Variants in NRXN3 observed in about 807,000 individuals in gnomAD.
NRXN3 encodes the protein neurexin III.
In NRXN3, 32 loss-of-function variants were observed where a neutral mutation model predicts 137.6. The observed-to-expected ratio is 0.23, with a 90% CI of 0.18 to 0.31. NRXN3 has a LOEUF of 0.31. NRXN3 is among the 10% of genes least tolerant of loss of function. The probability of loss-of-function intolerance (pLI) is 1.00; values close to 1 mark genes in which losing one functional copy is unlikely to be tolerated. For missense variants in NRXN3, 1,574 were observed against 2,062.5 expected, an observed-to-expected ratio of 0.76 and a Z score of 4.59; for synonymous variants, 798 against 784.5, an observed-to-expected ratio of 1.02 and a Z score of -0.29.
intron 15 of NRXN3, among the ~76,000 whole-genome samples, chr14:79,084,333 C>G (rs2047658657): frequency 6.6e-6 from 1 of 152,002 alleles, no homozygotes; most frequent in Admixed American, 6.6e-5. Flanking sequence ...AAAAGGAACC[C>G]TTCAATTTCA....
intron 10 of NRXN3, among the ~76,000 whole-genome samples, chr14:78,913,228 CT>C (rs1555571823): frequency 1.5e-5 from 2 of 132,960 alleles, no homozygotes; most frequent in African/African-American, 2.8e-5. Flanking sequence ...AGATTTTTTT[CT>C]TTTTTCTTTT....
chr14:79,012,612 G>A (rs889107128), intron 15 of NRXN3, among the ~76,000 whole-genome samples: 3 of 152,096 alleles, frequency 2.0e-5, no homozygotes, highest in African/African-American at 2.4e-5. Context: ...TGCTCCCCAC[G>A]TAACCCTCTA....
chr14:78,511,393 G>A (rs925262235), intron 4 of NRXN3, among the ~76,000 whole-genome samples: 2 of 152,096 alleles, frequency 1.3e-5, no homozygotes, highest in African/African-American at 2.4e-5. Context: ...TAGATGATTA[G>A]CAGATGAACC....
chr14:78,748,427 C>T (rs757813280), intron 8 of NRXN3, among the ~76,000 whole-genome samples: 6 of 151,932 alleles, frequency 3.9e-5, no homozygotes, highest in South Asian at 4.2e-4. Flanking sequence ...CCAGCGGATG[C>T]GGTAGGAAAT....
intron 17 of NRXN3, among the ~76,000 whole-genome samples, chr14:79,672,389 C>G (rs1462837106): frequency 6.6e-6 from 1 of 151,962 alleles, no homozygotes; most frequent in Non-Finnish European, 1.5e-5. Context: ...TTCTTGATTT[C>G]CAACCATAAT....
intron 4 of NRXN3, among the ~76,000 whole-genome samples, chr14:78,593,870 C>A (rs898939992): frequency 6.6e-6 from 1 of 152,104 alleles, no homozygotes; most frequent in African/African-American, 2.4e-5. Context: ...CCTCTTGCTG[C>A]CCCCACCCCA....
intron 19 of NRXN3, among the ~76,000 whole-genome samples, chr14:79,793,364 G>A (rs1189174953): frequency 1.3e-5 from 2 of 152,132 alleles, no homozygotes; most frequent in Non-Finnish European, 2.9e-5. Flanking sequence ...GCAGTGAGCC[G>A]AGATCAAGCC....
chr14:78,572,782 T>C (rs1219956289), intron 4 of NRXN3, among the ~76,000 whole-genome samples: 1 of 152,246 alleles, frequency 6.6e-6, no homozygotes, highest in East Asian at 1.9e-4. Context: ...TTCTTTGTTC[T>C]TCTCTTAATT....
intron 4 of NRXN3, among the ~76,000 whole-genome samples, chr14:78,442,509 A>G (rs1384414349): frequency 6.6e-6 from 1 of 152,224 alleles, no homozygotes; most frequent in Non-Finnish European, 1.5e-5. Context: ...CTGTAAGACA[A>G]TAAGTTTCTG....
intron 15 of NRXN3, among the ~76,000 whole-genome samples, chr14:79,173,839 T>C (rs1017303196): frequency 6.6e-6 from 1 of 152,112 alleles, no homozygotes; most frequent in Non-Finnish European, 1.5e-5. Flanking sequence ...TGTCACTTCA[T>C]GTTCACTGAA....
intron 20 of NRXN3, among the ~76,000 whole-genome samples, chr14:79,844,919 C>T (rs1367227216): frequency 6.6e-6 from 1 of 152,214 alleles, no homozygotes; most frequent in African/African-American, 2.4e-5. Flanking sequence ...ATTTTGTCTA[C>T]ATTAAAAACC....
intron 15 of NRXN3, among the ~76,000 whole-genome samples, chr14:79,267,144 C>T (rs138261718): frequency 3.4e-4 from 52 of 152,130 alleles, no homozygotes; most frequent in African/African-American, 1.1e-3. Flanking sequence ...CATGTTGACA[C>T]GTGTGTTGGG....
rs185315398 is a variant in NRXN3, at chr14:79,537,465, G to A, written c.3444+70063G>A. 5.8e-4 allele frequency among the ~76,000 whole-genome samples: 88 copies of A among 151,842 alleles called. No homozygotes were observed. The Middle Eastern group carries it at 0.02, about 35-fold the overall frequency. The stretch of plus-strand genomic sequence containing the variant: ...CTCCCTGCACCCCACAACAGGCCCC[G>A]GTGTGTGATGTTCCCCTTCCTGTGC... On this transcript the variant is annotated intron_variant, in intron 16 of 20. Coordinates refer to ENST00000335750, the MANE Select transcript of NRXN3 (RefSeq NM_001330195.2).
intron 2 of NRXN3, among the ~76,000 whole-genome samples, chr14:78,257,125 A>ACTAACG (rs1369727127): frequency 6.6e-6 from 1 of 152,246 alleles, no homozygotes; most frequent in East Asian, 1.9e-4. Flanking sequence ...GTTCAGGATT[A>ACTAACG]CTAACGCTAT....
chr14:79,761,390 T>G (rs2139420361), intron 19 of NRXN3, among the ~76,000 whole-genome samples: 1 of 151,820 alleles, frequency 6.6e-6, no homozygotes, highest in Middle Eastern at 3.4e-3. Context: ...CATTCTATTT[T>G]TTTCCAAACA....
intron 6 of NRXN3, among the ~76,000 whole-genome samples, chr14:78,699,213 G>A (rs1212293842): frequency 6.7e-6 from 1 of 149,936 alleles, no homozygotes; most frequent in African/African-American, 2.5e-5. Flanking sequence ...GGAATGGAGT[G>A]GGTAGAAATA....
chr14:79,635,822 T>C (rs1304486266), intron 16 of NRXN3, among the ~76,000 whole-genome samples: 1 of 151,936 alleles, frequency 6.6e-6, no homozygotes, highest in Non-Finnish European at 1.5e-5. Context: ...AAAATCATGG[T>C]GGAAGGGGAA....
intron 16 of NRXN3, among the ~76,000 whole-genome samples, chr14:79,490,240 T>A (rs1000601777): frequency 4.6e-5 from 7 of 152,236 alleles, no homozygotes; most frequent in African/African-American, 1.7e-4. Context: ...ACAATCACTA[T>A]AGAGAACAGT....
chr14:79,012,445 G>A (rs926972048), intron 15 of NRXN3, among the ~76,000 whole-genome samples: 11 of 152,188 alleles, frequency 7.2e-5, no homozygotes, highest in African/African-American at 2.7e-4. Flanking sequence ...ATGGAGAATT[G>A]CAGAAGTCCA....
Sources: gnomAD v4.1 joint callset for allele counts (sites outside exome capture counted in the v4.1 genomes callset) on GRCh38, gnomAD v4.1.1 for gene constraint, MANE v1.5 for transcripts, NCBI Gene and HGNC (gene_info 2026-07-23, HGNC 2026-07-21) for gene names.